The following ANKS1B variants were observed in gnomAD, a reference collection of about 807,000 sequenced individuals.
ANKS1B encodes ankyrin repeat and sterile alpha motif domain containing 1B.
In ANKS1B, 36 loss-of-function variants were observed where a neutral mutation model predicts 148.3. That is an observed-to-expected ratio of 0.24 (90% confidence interval 0.19 to 0.32). ANKS1B has a LOEUF of 0.32. Ranked by LOEUF, ANKS1B falls within the 10% of genes least tolerant of loss-of-function variation. ANKS1B has a pLI of 1.00. For synonymous variants in ANKS1B, 542 were observed against 560.8 expected, an observed-to-expected ratio of 0.97 and a Z score of 0.47; for missense variants, 1,157 against 1,542.6, an observed-to-expected ratio of 0.75 and a Z score of 4.19.
chr12:98,872,492 T>C (rs766060532), intron 17 of ANKS1B, among the ~76,000 whole-genome samples: 9 of 152,148 alleles, frequency 5.9e-5, no homozygotes, highest in Non-Finnish European at 1.3e-4. Context: ...TGAGCTGAGA[T>C]TGTGCCGCTG....
At chr12:99,445,450 T>C (rs2095620997) in intron 10 of ANKS1B, among the ~76,000 whole-genome samples, 1 of 151,998 alleles carries the variant, frequency 6.6e-6, no homozygotes, top group Non-Finnish European at 1.5e-5. Flanking sequence ...TCATTATATA[T>C]TTGTCCAACT....
chr12:99,342,106 G>A lies in ANKS1B; in HGVS notation c.1756+57525C>T, dbSNP rs147204184. 5.3e-5 allele frequency among the ~76,000 whole-genome samples: 8 copies of A among 152,154 alleles called. No individual in the cohort carries two copies. The East Asian group carries it at 7.7e-4, about 15-fold the overall frequency. ...AGGAATATGGTGGTGAATAAAACGCGCATAGTTCCTGATATCATGGAGGTC... is the reference window on the plus strand; with the variant it reads ...AGGAATATGGTGGTGAATAAAACGCACATAGTTCCTGATATCATGGAGGTC... On this transcript the variant is annotated intron_variant, in intron 12 of 26. Coordinates refer to ENST00000683438, the MANE Select transcript of ANKS1B (RefSeq NM_001352186.2).
At chr12:99,195,841 G>A (rs907544802) in intron 14 of ANKS1B, among the ~76,000 whole-genome samples, 1 of 151,970 alleles carries the variant, frequency 6.6e-6, no homozygotes, top group African/African-American at 2.4e-5. Flanking sequence ...GAAAGATAAA[G>A]TAGAATTATC....
chr12:99,930,293 T>C (rs2153807560), intron 1 of ANKS1B, among the ~76,000 whole-genome samples: 1 of 152,058 alleles, frequency 6.6e-6, no homozygotes, highest in Admixed American at 6.5e-5. Flanking sequence ...GATTTGGCTC[T>C]CTGTTTGTCT....
chr12:99,820,103 A>G (rs1033763429), intron 2 of ANKS1B, among the ~76,000 whole-genome samples: 4 of 151,944 alleles, frequency 2.6e-5, no homozygotes, highest in Non-Finnish European at 5.9e-5. Context: ...ACTTGCAGTA[A>G]ATTTTGTTTT....
chr12:99,907,735 G>A (rs2093837051), intron 1 of ANKS1B, among the ~76,000 whole-genome samples: 1 of 149,302 alleles, frequency 6.7e-6, no homozygotes, highest in Non-Finnish European at 1.5e-5. Context: ...ATTTTAACAA[G>A]GTGGCAGGTA....
chr12:99,693,339 T>G (rs2053407653), intron 8 of ANKS1B, among the ~76,000 whole-genome samples: 1 of 152,208 alleles, frequency 6.6e-6, no homozygotes, highest in Non-Finnish European at 1.5e-5. Flanking sequence ...GACTGCCCAT[T>G]AAAGCAGAGA....
chr12:99,853,698 C>G (rs974562878), intron 1 of ANKS1B, among the ~76,000 whole-genome samples: 7 of 152,012 alleles, frequency 4.6e-5, no homozygotes, highest in Non-Finnish European at 1.0e-4. Flanking sequence ...ACTAGCTCAC[C>G]AGCAATGGAT....
intron 9 of ANKS1B, among the ~76,000 whole-genome samples, chr12:99,591,846 C>T (rs1423061254): frequency 6.6e-6 from 1 of 152,128 alleles, no homozygotes; most frequent in Non-Finnish European, 1.5e-5. Flanking sequence ...AGTCTTGCCC[C>T]TCTACATAAA....
Position 99,263,158 on chromosome 12 carries a change from G to A in ANKS1B, c.1757-16294C>T, listed in dbSNP as rs370464375. Among the ~76,000 whole-genome samples, 117 of 152,072 alleles carry A rather than the reference G, an allele frequency of 7.7e-4. 4 individuals carry two copies. In the South Asian group the frequency reaches 0.02, roughly 26 times the overall value. On this transcript the variant is annotated intron_variant, in intron 12 of 26. Transcript: ENST00000683438. ...GTTAAGTAACCAATCAGGGTTACAG[G>A]GTTACTAAGTAGTGGAGAAGCACAT...
At chr12:99,654,236 T>C (rs2098439351) in intron 9 of ANKS1B, among the ~76,000 whole-genome samples, 1 of 152,214 alleles carries the variant, frequency 6.6e-6, no homozygotes, top group Non-Finnish European at 1.5e-5. Context: ...CGTGATGGTT[T>C]CTTAGACATA....
At chr12:99,084,595 A>C (rs2050969495) in intron 16 of ANKS1B, among the ~76,000 whole-genome samples, 1 of 152,108 alleles carries the variant, frequency 6.6e-6, no homozygotes, top group Non-Finnish European at 1.5e-5. Context: ...GTGTGTACCC[A>C]TAACCCCAGC....
At chr12:99,723,654 A>T (rs1484242699) in intron 8 of ANKS1B, among the ~76,000 whole-genome samples, 1 of 152,206 alleles carries the variant, frequency 6.6e-6, no homozygotes, top group Non-Finnish European at 1.5e-5. Flanking sequence ...AAAGAGCTTC[A>T]TTAAACGGGT....
At chr12:99,123,055 C>T (rs1000488407) in intron 15 of ANKS1B, among the ~76,000 whole-genome samples, 2 of 134,466 alleles carry the variant, frequency 1.5e-5, no homozygotes, top group Non-Finnish European at 3.2e-5. Flanking sequence ...AACAAAAAAC[C>T]AACAAAAAAA....
chr12:98,823,158 G>A (rs1190375827), intron 19 of ANKS1B, among the ~76,000 whole-genome samples: 2 of 152,252 alleles, frequency 1.3e-5, no homozygotes, highest in Non-Finnish European at 1.5e-5. Context: ...ATAGGGCACA[G>A]ATATCATCAA....
chr12:98,831,949 A>C, intron 18 of ANKS1B, 80 bp downstream of exon 18: 1 of 1,327,450 alleles, frequency 7.5e-7, no homozygotes, highest in Non-Finnish European at 1.1e-6. Flanking sequence ...GCAGGGTCTC[A>C]CCATGTTGGC....
intron 17 of ANKS1B, among the ~76,000 whole-genome samples, chr12:98,994,358 G>A (rs2099928335): frequency 6.6e-6 from 1 of 152,194 alleles, no homozygotes; most frequent in African/African-American, 2.4e-5. Context: ...GCTCATGCCT[G>A]TAATTCCAGC....
Position 99,644,412 on chromosome 12 carries a change from C to A in ANKS1B, c.1272+10655G>T, listed in dbSNP as rs893392416. On this transcript the variant is annotated intron_variant, in intron 9 of 26. Coordinates refer to ENST00000683438, the MANE Select transcript of ANKS1B (RefSeq NM_001352186.2). ...CCCTCACAGTAGTGACTTTAACATC[C>A]TCGTTTGTATAAACATTATGTTTAT... Among the ~76,000 whole-genome samples the A allele has an allele frequency of 4.6e-5, 7 of 152,274 alleles. No homozygotes were observed. In the East Asian group the frequency reaches 1.4e-3, roughly 29 times the overall value.
chr12:98,736,228 T>G (rs2097772327), intron 9 of ANKS1B, among the ~76,000 whole-genome samples: 1 of 152,092 alleles, frequency 6.6e-6, no homozygotes, highest in Admixed American at 6.5e-5. Flanking sequence ...GGGGAACCAG[T>G]GAGAAGCTTT....
Sources: gnomAD v4.1 joint callset for allele counts (sites outside exome capture counted in the v4.1 genomes callset) on GRCh38, gnomAD v4.1.1 for gene constraint, MANE v1.5 for transcripts, NCBI Gene and HGNC (gene_info 2026-07-23, HGNC 2026-07-21) for gene names.